The following SLCO5A1 variants were observed in gnomAD, a reference collection of about 807,000 sequenced individuals.
SLCO5A1 encodes the protein solute carrier organic anion transporter family member 5A1.
A neutral mutation model predicts 65.1 loss-of-function variants in SLCO5A1; 39 were observed. The observed-to-expected ratio is 0.60, with a 90% CI of 0.46 to 0.78. The LOEUF is 0.78. SLCO5A1 is among the 30% of genes least tolerant of loss of function. SLCO5A1 has a pLI of 0.00. For synonymous variants in SLCO5A1, 438 were observed against 415.7 expected (o/e 1.05, Z -0.65); for missense variants, 1,029 against 1,069.4 (o/e 0.96, Z 0.53).
Position 69,832,891 on chromosome 8 carries a change from A to G in SLCO5A1, c.-218T>C. 3.3e-6 allele frequency: 2 copies of G among 603,514 alleles called. No individual in the cohort carries two copies. Among genetic ancestry groups the G allele is most frequent in the Non-Finnish European group, 5.7e-6 (2 of 349,044 alleles). 37.4% of individuals were successfully genotyped at this position (603,514 alleles called of 1,614,324 possible). A position where few individuals can be genotyped will look rare whatever the true frequency, so the allele number is the denominator to read the frequency against. Reference sequence around the variant, plus strand: ...CTTCAAGGCTCCGCAGCCGCGTGCCACAGGGGGCAGGGGTCCGCGCGGTAC... The same window carrying G: ...CTTCAAGGCTCCGCAGCCGCGTGCCGCAGGGGGCAGGGGTCCGCGCGGTAC... On this transcript the variant is annotated 5_prime_UTR_variant, in exon 2 of 10. Transcript: ENST00000260126. This position sits in a 1 kb window ranked among gnomAD's most constrained non-coding sequence, Gnocchi z 4.5.
chr8:69,781,398 G>T (rs1352372373), intron 2 of SLCO5A1, among the ~76,000 whole-genome samples: 1 of 152,166 alleles, frequency 6.6e-6, no homozygotes, highest in Non-Finnish European at 1.5e-5. Context: ...CAATCCACAG[G>T]AGTTAGTCTT....
intron 2 of SLCO5A1, among the ~76,000 whole-genome samples, chr8:69,826,325 C>A (rs926641990): frequency 1.3e-5 from 2 of 151,744 alleles, no homozygotes; most frequent in East Asian, 3.9e-4. Flanking sequence ...AAAGAAACTA[C>A]CATCAGAGTG....
intron 5 of SLCO5A1, among the ~76,000 whole-genome samples, chr8:69,724,486 T>C (rs1815973561): frequency 6.6e-6 from 1 of 152,188 alleles, no homozygotes; most frequent in Non-Finnish European, 1.5e-5. Context: ...ACTATTAGCC[T>C]GAAATCTAAT....
chr8:69,697,156 C>CTCAT (rs1378857728), intron 6 of SLCO5A1, among the ~76,000 whole-genome samples: 3 of 152,216 alleles, frequency 2.0e-5, no homozygotes, highest in African/African-American at 7.2e-5. Context: ...TGCCGAGGCA[C>CTCAT]TCATTCATTC....
intron 2 of SLCO5A1, among the ~76,000 whole-genome samples, chr8:69,816,400 C>A (rs939605702): frequency 7.2e-5 from 11 of 152,196 alleles, no homozygotes; most frequent in Admixed American, 7.2e-4. Flanking sequence ...AGTGAAGAAC[C>A]TGCACCACCT....
At chr8:69,827,178 A>G (rs541670576) in intron 2 of SLCO5A1, among the ~76,000 whole-genome samples, 297 of 149,998 alleles carry the variant, frequency 2.0e-3, no homozygotes, top group Non-Finnish European at 3.7e-3. Flanking sequence ...GGATAGCTTT[A>G]GGAGATATAC....
intron 2 of SLCO5A1, among the ~76,000 whole-genome samples, chr8:69,820,734 A>G (rs1248202293): frequency 6.6e-6 from 1 of 152,222 alleles, no homozygotes; most frequent in East Asian, 1.9e-4. Context: ...TATTTCTCAT[A>G]TTCAGAGAAA....
At chr8:69,758,920 G>A (rs537230162) in intron 3 of SLCO5A1, among the ~76,000 whole-genome samples, 5 of 152,238 alleles carry the variant, frequency 3.3e-5, no homozygotes, top group African/African-American at 4.8e-5. Context: ...GCTGTGCTCC[G>A]GAGTCAGTTT....
intron 4 of SLCO5A1, among the ~76,000 whole-genome samples, chr8:69,753,650 T>A (rs966301987): frequency 6.6e-6 from 1 of 152,184 alleles, no homozygotes; most frequent in African/African-American, 2.4e-5. Context: ...CTATAAAACA[T>A]ATAATTTTAT....
chr8:69,828,035 T>C (rs940906978), intron 2 of SLCO5A1, among the ~76,000 whole-genome samples: 1 of 152,128 alleles, frequency 6.6e-6, no homozygotes, highest in Non-Finnish European at 1.5e-5. Context: ...GGTCAGAAAG[T>C]CATGGGGTTG....
At chr8:69,727,684 G>GAAGGA (rs1816145201) in intron 5 of SLCO5A1, among the ~76,000 whole-genome samples, 2 of 152,234 alleles carry the variant, frequency 1.3e-5, no homozygotes, top group Non-Finnish European at 2.9e-5. Flanking sequence ...AGGCTCCACT[G>GAAGGA]AAGGAAAGAT....
intron 5 of SLCO5A1, among the ~76,000 whole-genome samples, chr8:69,723,785 T>A (rs1484458418): frequency 1.3e-5 from 2 of 151,512 alleles, no homozygotes; most frequent in African/African-American, 4.8e-5. Context: ...TTTTTTTTTT[T>A]TTTTGGAGAC....
In SLCO5A1 at chr8:69,685,283, T is replaced by C. The variant is rs1032484372; in HGVS notation, c.1623-2940A>G. Among the ~76,000 whole-genome samples, 6 of 152,330 alleles carry C rather than the reference T, an allele frequency of 3.9e-5. No homozygotes were observed. In the East Asian group the frequency reaches 1.2e-3, roughly 29 times the overall value. ...GTCATTCACTCTCCAGAAAACATACTGGATTCTAATAATAGCACAAATGTT... is the reference window on the plus strand; with the variant it reads ...GTCATTCACTCTCCAGAAAACATACCGGATTCTAATAATAGCACAAATGTT... On this transcript the variant is annotated intron_variant, in intron 6 of 9. Transcript: ENST00000260126.
intron 2 of SLCO5A1, among the ~76,000 whole-genome samples, chr8:69,780,474 A>G (rs973493079): frequency 2.6e-5 from 4 of 152,242 alleles, no homozygotes; most frequent in African/African-American, 9.6e-5. Context: ...ATTCAGCCAT[A>G]AAAAATAACA....
At chr8:69,699,461 C>A (rs1329434972) in intron 6 of SLCO5A1, among the ~76,000 whole-genome samples, 1 of 152,144 alleles carries the variant, frequency 6.6e-6, no homozygotes, top group African/African-American at 2.4e-5. Context: ...CAGAGGTAAG[C>A]CCTTGGGTTC....
Position 69,832,378 on chromosome 8 carries a change from A to T in SLCO5A1, c.296T>A (p.Val99Glu). The change falls in exon 2 of 10, where the codon GTG becomes GAG. Residue 99 changes from valine (V) to glutamate (E), a missense_variant. Around this residue, in one of 3 missense-constraint regions of SLCO5A1, gnomAD observed 647 missense variants for 647.5 expected, o/e 1.00. Coordinates refer to ENST00000260126, the MANE Select transcript of SLCO5A1 (RefSeq NM_030958.3). This position sits in a 1 kb window ranked among gnomAD's most constrained non-coding sequence, Gnocchi z 4.5. Reference protein sequence around the residue: ...SAGLGDCNHRVDLSKTFSVSS... With the variant: ...SAGLGDCNHREDLSKTFSVSS... ...CACCGAGAAGGTTTTGCTGAGGTCC[A>T]CCCTGTGGTTACAGTCCCCGAGCCC... 1.9e-6 allele frequency: 3 copies of T among 1,613,316 alleles called. No homozygotes were observed. The highest frequency in any genetic ancestry group is 2.5e-6 in the Non-Finnish European group (3 of 1,179,630).
rs987151269 is a variant in SLCO5A1 at position 69,797,788 on chromosome 8, A to C, written c.907+33979T>G. On this transcript the variant is annotated intron_variant, in intron 2 of 9. Transcript: ENST00000260126. ...CCTGTCTCCTGATAAGATGTTATCAATGACAATGCGTGCCCAAAACTTCAT... is the reference window on the plus strand; with the variant it reads ...CCTGTCTCCTGATAAGATGTTATCACTGACAATGCGTGCCCAAAACTTCAT... Among the ~76,000 whole-genome samples the C allele has an allele frequency of 2.0e-5, 3 of 152,374 alleles. No homozygotes were observed. In the South Asian group the frequency reaches 6.2e-4, roughly 32 times the overall value.
chr8:69,699,485 C>T lies in SLCO5A1; in HGVS notation c.1622+5546G>A, dbSNP rs957847436. Among the ~76,000 whole-genome samples, 7 of 152,134 alleles carry T rather than the reference C, an allele frequency of 4.6e-5. No individual in the cohort carries two copies. In the East Asian group the frequency reaches 1.4e-3, roughly 29 times the overall value. On this transcript the variant is annotated intron_variant, in intron 6 of 9. Coordinates refer to ENST00000260126, the MANE Select transcript of SLCO5A1 (RefSeq NM_030958.3). ...GCCCTTGGGTTCTGACACTGCAGCA[C>T]CCTGATGAAAACTCCAGTTGTATCC...
chr8:69,773,073 A>G (rs548398219), intron 2 of SLCO5A1: 1 of 523,666 alleles, frequency 1.9e-6, no homozygotes, highest in Non-Finnish European at 2.5e-6. Flanking sequence ...ACACATGGGC[A>G]AAGGCACACA....
Sources: gnomAD v4.1 joint callset for allele counts (sites outside exome capture counted in the v4.1 genomes callset) on GRCh38, gnomAD v4.1.1 for gene constraint, gnomAD v4.1.1 regional missense constraint, Gnocchi (gnomAD v3.1) non-coding constraint, MANE v1.5 for transcripts, NCBI Gene and HGNC (gene_info 2026-07-23, HGNC 2026-07-21) for gene names.